POLL: variants seen among roughly 807,000 people sequenced by gnomAD.
The protein encoded by POLL is DNA polymerase lambda, also known as DNA polymerase beta-2.
POLL carries 44 observed loss-of-function variants against 58.1 expected under a neutral mutation model. The ratio of observed to expected loss-of-function variants is 0.76; its 90% confidence interval spans 0.60 to 0.97. POLL has a LOEUF of 0.97. Among genes scored for constraint, POLL ranks in the 50% least tolerant of loss-of-function variants. The pLI is 0.00. For missense variants in POLL, 632 were observed against 736.8 expected (o/e 0.86, Z 1.65); for synonymous variants, 290 against 283.2 (o/e 1.02, Z -0.24).
At position 101,587,401 on chromosome 10, in the gene POLL, G is replaced by C; in HGVS notation, c.-41C>G. ...TCCCGGCCTATTGGAGCGTTGGTCAGGGCTGCTGCACGTGGAAATCCAGAA... is the reference window on the plus strand; with the variant it reads ...TCCCGGCCTATTGGAGCGTTGGTCACGGCTGCTGCACGTGGAAATCCAGAA... On this transcript the variant is annotated 5_prime_UTR_variant, in exon 2 of 9. Transcript: ENST00000370162. 6.2e-7 allele frequency: 1 copy of C among 1,612,696 alleles called. No individual in the cohort carries two copies. The highest frequency in any genetic ancestry group is 8.5e-7 in the Non-Finnish European group (1 of 1,179,688).
At position 101,584,608 on chromosome 10, in the gene POLL, C is replaced by A. The variant is rs750782747; in HGVS notation, c.885G>T (p.Ser295=). 2 of 1,557,296 alleles carry A rather than the reference C, an allele frequency of 1.3e-6. No individual in the cohort carries two copies. The highest frequency in any genetic ancestry group is 8.7e-7 in the Non-Finnish European group (1 of 1,150,252). ...ALKSFHKPVT[S]YQEACSIPGI... ...CACTCTAGCCCCTGGGTACCTGGTA[C>A]GAGGTGACAGGCTTATGGAAGCTCT... Residue 295 remains serine (S), a synonymous_variant, in exon 5 of 9, where the codon TCG becomes TCT. Coordinates refer to ENST00000370162, the MANE Select transcript of POLL (RefSeq NM_001174084.2).
chr10:101,587,046 A>C, intron 2 of POLL, 200 bp downstream of exon 2: 1 of 1,082,264 alleles, frequency 9.2e-7, no homozygotes, highest in Non-Finnish European at 1.4e-6. Context: ...GTCTTCGGGT[A>C]GAAAAGAAGG....
rs1420139771 is a variant in POLL at position 101,587,837 on chromosome 10, G to T, written c.-62C>A. 4 of 1,189,378 alleles carry T rather than the reference G, an allele frequency of 3.4e-6. No individual in the cohort carries two copies. The highest frequency in any genetic ancestry group is 1.6e-5 in the South Asian group (1 of 64,014). The allele number at this position is 1,189,378 out of a possible 1,614,324, so 73.7% of individuals were successfully genotyped here. On this transcript the variant is annotated 5_prime_UTR_variant, in exon 1 of 9. Transcript: ENST00000370162. ...ATTTCTCTACCTCCAACACAGACTCGCAGAGGAAGGAGGAGGACTTTCGGG... is the reference window on the plus strand; with the variant it reads ...ATTTCTCTACCTCCAACACAGACTCTCAGAGGAAGGAGGAGGACTTTCGGG...
In POLL at chr10:101,587,217, A is replaced by T. The variant is rs765856789; in HGVS notation, c.115+29T>A. Reference sequence around the variant, plus strand: ...ACATGAAGGCTGTGGGTTCAAGCACACGAGGGTTCTGAGACTGGGTCAGCT... The same window carrying T: ...ACATGAAGGCTGTGGGTTCAAGCACTCGAGGGTTCTGAGACTGGGTCAGCT... On this transcript the variant is annotated intron_variant, in intron 2 of 8. Coordinates refer to ENST00000370162, the MANE Select transcript of POLL (RefSeq NM_001174084.2). 8 of 1,613,924 alleles carry T rather than the reference A, an allele frequency of 5.0e-6. No individual in the cohort carries two copies. In the South Asian group the frequency reaches 8.8e-5, roughly 18 times the overall value.
At chr10:101,586,979 C>A (rs1023849508) in intron 2 of POLL, 14 of 520,684 alleles carry the variant, frequency 2.7e-5, no homozygotes, top group Non-Finnish European at 4.5e-5. Flanking sequence ...GTCCTCAGGG[C>A]AAAAATTATA....
rs2063220275 is a variant in POLL at position 101,584,934 on chromosome 10, G to C, written c.574-15C>G. On this transcript the variant is annotated splice_polypyrimidine_tract_variant and intron_variant, in intron 4 of 8. Coordinates refer to ENST00000370162, the MANE Select transcript of POLL (RefSeq NM_001174084.2). The stretch of plus-strand genomic sequence containing the variant: ...TCAGAGATGGGCTTGGGATAGAGAA[G>C]AAAAGAAAACAATAAATTCTTGTTC... 7.3e-7 allele frequency: 1 copy of C among 1,366,556 alleles called. No individual in the cohort carries two copies. Among genetic ancestry groups the C allele is most frequent in the Admixed American group, 3.0e-5 (1 of 33,848 alleles). 84.7% of individuals were successfully genotyped at this position (1,366,556 alleles called of 1,614,324 possible).
chr10:101,580,615 CTG>C lies in POLL; in HGVS notation c.1195-201_1195-200del. ...AGGACAGGAGAGAAGAAAAAGCTCA[CTG>C]TGCAGGAGGCAAGCCTGAGGAGAGA... On this transcript the variant is annotated intron_variant, in intron 7 of 8. Transcript: ENST00000370162. The surrounding 1 kb of genome is among the most constrained non-coding windows in gnomAD (Gnocchi z 4.1). The C allele has an allele frequency of 1.7e-6, 1 of 572,934 alleles. No homozygotes were observed. Among genetic ancestry groups the C allele is most frequent in the East Asian group, 3.0e-5 (1 of 33,768 alleles). The allele number at this position is 572,934 out of a possible 1,614,324, so 35.5% of individuals were successfully genotyped here. A position where few individuals can be genotyped will look rare whatever the true frequency, so the allele number is the denominator to read the frequency against.
chr10:101,580,090 A>T lies in POLL; in HGVS notation c.1363+158T>A. 2.7e-6 allele frequency: 2 copies of T among 727,614 alleles called. No homozygotes were observed. The highest frequency in any genetic ancestry group is 4.4e-6 in the Non-Finnish European group (2 of 450,596). 45.1% of individuals were successfully genotyped at this position (727,614 alleles called of 1,614,324 possible). The stretch of plus-strand genomic sequence containing the variant: ...GCGGGGCTGTTCCATCTCTCCCTGG[A>T]GAGGATTCCGGCCCCGATAGAGAGA... On this transcript the variant is annotated intron_variant, in intron 8 of 8. Transcript: ENST00000370162. The surrounding 1 kb of genome is among the most constrained non-coding windows in gnomAD (Gnocchi z 4.1).
intron 4 of POLL, 90 bp downstream of exon 4, chr10:101,585,226 T>C: frequency 8.6e-7 from 1 of 1,159,216 alleles, no homozygotes; most frequent in Non-Finnish European, 1.2e-6. Flanking sequence ...CTCAGGGGCC[T>C]GGGACTTTCT....
rs779016004 is a variant in POLL at position 101,586,141 on chromosome 10, A to G, written c.131T>C (p.Leu44Pro). 6 of 1,611,888 alleles carry G rather than the reference A, an allele frequency of 3.7e-6. No individual in the cohort carries two copies. Among genetic ancestry groups the G allele is most frequent in the Non-Finnish European group, 4.2e-6 (5 of 1,178,874 alleles). Residue 44 changes from leucine (L) to proline (P), a missense_variant, in exon 3 of 9, where the codon CTT becomes CCT. By Grantham distance (98) the Leu-to-Pro change is moderately conservative. Transcript: ENST00000370162. ...GCCAGTGCGCACAACATGGGCCCGA[A>G]GGGAGCTCAGCCACTCTGTGGAAGG... ...GEEAEEWLSSLRAHVVRTGIG... is the reference protein window; with the variant it reads ...GEEAEEWLSSPRAHVVRTGIG...
chr10:101,580,508 C>A lies in POLL; in HGVS notation c.1195-92G>T. On this transcript the variant is annotated intron_variant, in intron 7 of 8. Coordinates refer to ENST00000370162, the MANE Select transcript of POLL (RefSeq NM_001174084.2). This position sits in a 1 kb window ranked among gnomAD's most constrained non-coding sequence, Gnocchi z 4.1. ...GGGCCTTCCCAGACTCGGGCCCACA[C>A]CCTCAGCTTATGCCCATTCCAGATG... The A allele has an allele frequency of 8.5e-7, 1 of 1,172,784 alleles. No individual in the cohort carries two copies. Among genetic ancestry groups the A allele is most frequent in the Non-Finnish European group, 1.2e-6 (1 of 815,696 alleles). The allele number at this position is 1,172,784 out of a possible 1,614,324, so 72.6% of individuals were successfully genotyped here.
intron 1 of POLL, 177 bp downstream of exon 1, chr10:101,587,645 G>A: frequency 9.3e-6 from 9 of 969,622 alleles, no homozygotes; most frequent in Non-Finnish European, 1.2e-5. Flanking sequence ...TACTTTTGAG[G>A]AGTAGGAAAC....
At position 101,587,964 on chromosome 10, in the gene POLL, T is replaced by TG. The variant is rs1326389133; in HGVS notation, c.-190dup. 3 of 1,273,742 alleles carry TG rather than the reference T, an allele frequency of 2.4e-6. No individual in the cohort carries two copies. Among genetic ancestry groups the TG allele is most frequent in the Non-Finnish European group, 3.1e-6 (3 of 982,454 alleles). 78.9% of individuals were successfully genotyped at this position (1,273,742 alleles called of 1,614,324 possible). ...AGATGGGGCACGGCCGCAGCAGGTG[T>TG]GGGGAGCCCTCCGGGAATGGAGGAG... On this transcript the variant is annotated 5_prime_UTR_variant, in exon 1 of 9. Coordinates refer to ENST00000370162, the MANE Select transcript of POLL (RefSeq NM_001174084.2).
chr10:101,586,734 A>T (rs1342463641), intron 2 of POLL, among the ~76,000 whole-genome samples: 3 of 152,142 alleles, frequency 2.0e-5, no homozygotes, highest in South Asian at 2.1e-4. Flanking sequence ...AGCACAGGTG[A>T]TCTGCCTGCC....
intron 2 of POLL, 139 bp from the exon 3 acceptor site, chr10:101,586,295 C>T: frequency 2.6e-6 from 2 of 760,150 alleles, no homozygotes; most frequent in Non-Finnish European, 4.2e-6. Flanking sequence ...ATTTCCCTTC[C>T]ATCCAGACAG....
chr10:101,585,545 T>G, intron 3 of POLL, 67 bp from the exon 4 acceptor site: 3 of 1,349,948 alleles, frequency 2.2e-6, no homozygotes, highest in Non-Finnish European at 3.0e-6. Context: ...CCAGTCCTTC[T>G]GTACTCTGAA....
Position 101,582,620 on chromosome 10 carries a change from C to T in POLL, c.1194+143G>A, listed in dbSNP as rs566670423. 6.1e-6 allele frequency: 5 copies of T among 822,220 alleles called. No individual in the cohort carries two copies. In the South Asian group the frequency reaches 8.0e-5, roughly 13 times the overall value. 50.9% of individuals were successfully genotyped at this position (822,220 alleles called of 1,614,324 possible). The stretch of plus-strand genomic sequence containing the variant: ...TCTGGGCCTGGAGCTTCAGTCTTAA[C>T]TTGCTCTGTGCTCAACCTCTGGTGA... On this transcript the variant is annotated intron_variant, in intron 7 of 8. Transcript: ENST00000370162.
intron 7 of POLL, chr10:101,581,159 GA>G (rs1260645389): frequency 2.0e-5 from 3 of 152,284 alleles, no homozygotes; most frequent in African/African-American, 7.2e-5. Context: ...CCAGGACACT[GA>G]AAATTCTGGG....
At position 101,580,623 on chromosome 10, in the gene POLL, G is replaced by C; in HGVS notation, c.1195-207C>G. The C allele has an allele frequency of 3.6e-6, 2 of 550,562 alleles. 1 individual carries two copies. Among genetic ancestry groups the C allele is most frequent in the Middle Eastern group, 9.7e-4 (2 of 2,060 alleles). 34.1% of individuals were successfully genotyped at this position (550,562 alleles called of 1,614,324 possible). A position where few individuals can be genotyped will look rare whatever the true frequency, so the allele number is the denominator to read the frequency against. ...AGAGAAGAAAAAGCTCACTGTGCAG[G>C]AGGCAAGCCTGAGGAGAGACGGGAG... On this transcript the variant is annotated intron_variant, in intron 7 of 8. Coordinates refer to ENST00000370162, the MANE Select transcript of POLL (RefSeq NM_001174084.2). This position sits in a 1 kb window ranked among gnomAD's most constrained non-coding sequence, Gnocchi z 4.1.
Sources: gnomAD v4.1 joint callset for allele counts (sites outside exome capture counted in the v4.1 genomes callset) on GRCh38, gnomAD v4.1.1 for gene constraint, Gnocchi (gnomAD v3.1) non-coding constraint, MANE v1.5 for transcripts, NCBI Gene and HGNC (gene_info 2026-07-23, HGNC 2026-07-21) for gene names.